Variants in NDRG4 observed in about 807,000 individuals in gnomAD.
The protein encoded by NDRG4 is NDRG family member 4, also known as protein NDRG4.
NDRG4 carries 38 observed loss-of-function variants against 55.8 expected under a neutral mutation model. That is an observed-to-expected ratio of 0.68 (90% confidence interval 0.53 to 0.89). NDRG4 has a LOEUF of 0.89. NDRG4 is among the 40% of genes least tolerant of loss of function. NDRG4 has a pLI of 0.00. For missense variants in NDRG4, 455 were observed against 468.6 expected, an observed-to-expected ratio of 0.97 and a Z score of 0.27; for synonymous variants, 190 against 182.7, an observed-to-expected ratio of 1.04 and a Z score of -0.32.
chr16:58,504,282 C>A lies in NDRG4; in HGVS notation c.248+8C>A. On this transcript the variant is annotated splice_region_variant and intron_variant, in intron 3 of 14. Transcript: ENST00000570248. ...GTCGCAGTTTCCTCAGGGGTAGGTA[C>A]CCTGAGCCCCCTCTGCCTGTCTCCA... 1.2e-6 allele frequency: 2 copies of A among 1,614,056 alleles called. No homozygotes were observed. Among genetic ancestry groups the A allele is most frequent in the Non-Finnish European group, 1.7e-6 (2 of 1,179,990 alleles).
In NDRG4 at chr16:58,473,044, T is replaced by C. The variant is rs2033099450; in HGVS notation, c.-24+9247T>C. ...ATGACCTCATCTAGTCTCTCTATGA[T>C]GATATCTTTGAAGTGACTCCTCCCA... On this transcript the variant is annotated intron_variant, in intron 1 of 15. Coordinates refer to the NDRG4 transcript ENST00000258187. Among the ~76,000 whole-genome samples the C allele has an allele frequency of 2.0e-5, 3 of 152,184 alleles. No homozygotes were observed. The South Asian group carries it at 6.2e-4, about 32-fold the overall frequency.
At chr16:58,493,987 C>T (rs997861152) in intron 2 of NDRG4, among the ~76,000 whole-genome samples, 3 of 152,174 alleles carry the variant, frequency 2.0e-5, no homozygotes, top group East Asian at 3.9e-4. Context: ...GCAACTCAGA[C>T]GCGGGGTTCC....
chr16:58,505,605 GC>G (rs1272346682), intron 5 of NDRG4, among the ~76,000 whole-genome samples: 2 of 150,652 alleles, frequency 1.3e-5, no homozygotes, highest in African/African-American at 4.9e-5. Context: ...TTTTCTTTAA[GC>G]ACAGTCTAAC....
intron 2 of NDRG4, among the ~76,000 whole-genome samples, chr16:58,490,273 A>G (rs1456473109): frequency 6.6e-6 from 1 of 152,172 alleles, no homozygotes; most frequent in Non-Finnish European, 1.5e-5. Flanking sequence ...AGCCGCACGG[A>G]GGTGCTGCCT....
chr16:58,503,948 A>C (rs2037496603), intron 2 of NDRG4, 45 bp downstream of exon 2: 1 of 1,604,254 alleles, frequency 6.2e-7, no homozygotes, highest in African/African-American at 1.3e-5. Context: ...GCCTCCCATC[A>C]GCCAGAGCGG....
chr16:58,497,929 A>G (rs1477285809), upstream of NDRG4, among the ~76,000 whole-genome samples: 1 of 151,976 alleles, frequency 6.6e-6, no homozygotes, highest in African/African-American at 2.4e-5. Context: ...TCCCTGCTTT[A>G]CAATTAGAAG....
chr16:58,497,509 T>C (rs567746461), upstream of NDRG4, among the ~76,000 whole-genome samples: 2 of 152,116 alleles, frequency 1.3e-5, no homozygotes, highest in African/African-American at 4.8e-5. Context: ...GGAAATTACC[T>C]AACCTCTCCA....
intron 1 of NDRG4, 64 bp from the exon 2 acceptor site, chr16:58,503,734 C>T (rs1158942653): frequency 1.9e-6 from 3 of 1,606,268 alleles, no homozygotes; most frequent in Admixed American, 3.4e-5. Context: ...TGCGTCACCT[C>T]ATTCCCCAGA....
intron 1 of NDRG4, among the ~76,000 whole-genome samples, chr16:58,484,880 T>A (rs2034895376): frequency 6.7e-6 from 1 of 150,222 alleles, no homozygotes; most frequent in Non-Finnish European, 1.5e-5. Context: ...AAATCATAAC[T>A]TACTTTTTTT....
At chr16:58,467,742 G>T (rs935238677) in intron 1 of NDRG4, among the ~76,000 whole-genome samples, 1 of 152,180 alleles carries the variant, frequency 6.6e-6, no homozygotes, top group Non-Finnish European at 1.5e-5. Context: ...TGTAAAATGG[G>T]ATCGTCGTGG....
intron 1 of NDRG4, among the ~76,000 whole-genome samples, chr16:58,476,684 G>C (rs1184444971): frequency 2.0e-5 from 3 of 152,146 alleles, no homozygotes; most frequent in Non-Finnish European, 4.4e-5. Context: ...GAGCATCCTT[G>C]ATGCTGGAGA....
intron 2 of NDRG4, among the ~76,000 whole-genome samples, chr16:58,492,541 T>A (rs1368684987): frequency 2.4e-4 from 16 of 66,704 alleles, no homozygotes; most frequent in African/African-American, 9.4e-4. Flanking sequence ...TGTGTGTGTG[T>A]GTGTGTGTGT....
chr16:58,476,155 G>A (rs2033593683), intron 1 of NDRG4, among the ~76,000 whole-genome samples: 1 of 152,178 alleles, frequency 6.6e-6, no homozygotes, highest in African/African-American at 2.4e-5. Flanking sequence ...ACCTCGCACT[G>A]GCAGAACATC....
At chr16:58,501,237 C>G in intron 1 of NDRG4, 2 of 411,956 alleles carry the variant, frequency 4.9e-6, no homozygotes, top group East Asian at 3.6e-5. Flanking sequence ...CAGACCCTGT[C>G]CCCTGAATTA....
intron 2 of NDRG4, among the ~76,000 whole-genome samples, chr16:58,492,059 A>G (rs908981159): frequency 2.0e-5 from 3 of 152,130 alleles, no homozygotes; most frequent in Non-Finnish European, 2.9e-5. Context: ...TGGGATTACA[A>G]TCGTGAGCCA....
chr16:58,472,647 G>T (rs1307455936), intron 1 of NDRG4, among the ~76,000 whole-genome samples: 2 of 152,126 alleles, frequency 1.3e-5, no homozygotes, highest in African/African-American at 2.4e-5. Flanking sequence ...AGGAAGATGG[G>T]GTGTCCCTGG....
At chr16:58,501,157 T>G in intron 1 of NDRG4, 2 of 1,005,932 alleles carry the variant, frequency 2.0e-6, no homozygotes, top group Non-Finnish European at 2.6e-6. Context: ...ACGCCTGCCC[T>G]GCCGGTTCCG....
At chr16:58,509,131 T>TCAC (rs1483688769) in intron 11 of NDRG4, 23 bp from the exon 12 acceptor site, 1 of 1,613,846 alleles carries the variant, frequency 6.2e-7, no homozygotes, top group African/African-American at 1.3e-5. Flanking sequence ...CCTGCTCAGG[T>TCAC]CACCCCACTC....
chr16:58,506,731 G>A, intron 7 of NDRG4, 117 bp downstream of exon 7: 5 of 1,284,866 alleles, frequency 3.9e-6, no homozygotes, highest in Non-Finnish European at 5.5e-6. Context: ...CAGATGCTAA[G>A]CCATCTGAAA....
Sources: gnomAD v4.1 joint callset for allele counts (sites outside exome capture counted in the v4.1 genomes callset) on GRCh38, gnomAD v4.1.1 for gene constraint, MANE v1.5 for transcripts, NCBI Gene and HGNC (gene_info 2026-07-23, HGNC 2026-07-21) for gene names.